WDR33: variants seen among roughly 807,000 people sequenced by gnomAD.
WDR33 encodes the protein pre-mRNA 3' end processing protein WDR33.
In WDR33, 47 loss-of-function variants were observed where a neutral mutation model predicts 164.9. The ratio of observed to expected loss-of-function variants is 0.29; its 90% CI spans 0.23 to 0.36. The LOEUF is 0.36. Among genes scored for constraint, WDR33 ranks in the 10% least tolerant of loss-of-function variants. The pLI, the probability that WDR33 is intolerant of heterozygous loss-of-function variation, is 1.00. For synonymous variants in WDR33, 505 were observed against 589.0 expected (o/e 0.86, Z 2.06); for missense variants, 1,137 against 1,754.1 (o/e 0.65, Z 6.28).
chr2:127,743,955 G>A (rs1401996082), intron 7 of WDR33, among the ~76,000 whole-genome samples: 1 of 152,140 alleles, frequency 6.6e-6, no homozygotes, highest in African/African-American at 2.4e-5. Flanking sequence ...AACTACCTCT[G>A]GGGAGAGGTA....
intron 7 of WDR33, among the ~76,000 whole-genome samples, chr2:127,753,715 A>G (rs1687437725): frequency 6.6e-6 from 1 of 152,198 alleles, no homozygotes; most frequent in African/African-American, 2.4e-5. Context: ...ATAAAACAGC[A>G]TTTTTAAAAG....
At chr2:127,746,542 A>G (rs1687172263) in intron 7 of WDR33, among the ~76,000 whole-genome samples, 1 of 152,218 alleles carries the variant, frequency 6.6e-6, no homozygotes, top group African/African-American at 2.4e-5. Context: ...GGTCCTCACA[A>G]CAGCCCTGTG....
At chr2:127,793,561 T>G (rs565254406) in intron 1 of WDR33, among the ~76,000 whole-genome samples, 50 of 151,952 alleles carry the variant, frequency 3.3e-4, no homozygotes, top group Admixed American at 5.9e-4. Context: ...AGCAACATAC[T>G]GAGATCCCAT....
rs1424028127 is a variant in WDR33, at chr2:127,704,137, A to C, written c.*2186T>G. ...ACCTTGTCTCAAAAATTTTTTCTCA[A>C]ATCAAACATCATTGAAAATCTACTT... On this transcript the variant is annotated 3_prime_UTR_variant, in exon 22 of 22. Coordinates refer to ENST00000322313, the MANE Select transcript of WDR33 (RefSeq NM_018383.5). 2 of 166,542 alleles carry C rather than the reference A, an allele frequency of 1.2e-5. No individual in the cohort carries two copies. Among genetic ancestry groups the C allele is most frequent in the African/African-American group, 2.4e-5 (1 of 41,242 alleles). The allele number at this position is 166,542 out of a possible 1,614,324, so 10.3% of individuals were successfully genotyped here.
intron 7 of WDR33, among the ~76,000 whole-genome samples, chr2:127,740,467 C>A (rs1398840383): frequency 6.6e-6 from 1 of 152,112 alleles, no homozygotes; most frequent in Non-Finnish European, 1.5e-5. Context: ...TGGGCTTGAG[C>A]CCGGGAGGTC....
At chr2:127,737,948 G>A (rs1573901656) in intron 7 of WDR33, 3 of 1,598,222 alleles carry the variant, frequency 1.9e-6, no homozygotes, top group Admixed American at 1.8e-5. Context: ...ATCTTCTTGG[G>A]TATATTCACA....
At chr2:127,805,076 T>TC (rs1689386164) in intron 1 of WDR33, among the ~76,000 whole-genome samples, 2 of 116,616 alleles carry the variant, frequency 1.7e-5, no homozygotes, top group Admixed American at 1.7e-4. Context: ...TTCTTTTTTT[T>TC]TTTTTTTTTT....
At chr2:127,728,748 C>T (rs1686629323) in intron 7 of WDR33, among the ~76,000 whole-genome samples, 1 of 152,080 alleles carries the variant, frequency 6.6e-6, no homozygotes, top group East Asian at 1.9e-4. Flanking sequence ...GCTATGTATG[C>T]ATTAATCAAT....
chr2:127,800,950 GA>G (rs1161560588), intron 1 of WDR33, among the ~76,000 whole-genome samples: 1 of 151,906 alleles, frequency 6.6e-6, no homozygotes, highest in Admixed American at 6.6e-5. Context: ...TGTAGTGATG[GA>G]ATATTACTAT....
chr2:127,742,348 A>C (rs1687040831), intron 7 of WDR33, among the ~76,000 whole-genome samples: 2 of 151,848 alleles, frequency 1.3e-5, no homozygotes, highest in East Asian at 1.9e-4. Flanking sequence ...GGCAACAAAA[A>C]ATTAAAACTA....
At chr2:127,784,300 A>T (rs1462331368) in intron 1 of WDR33, among the ~76,000 whole-genome samples, 1 of 152,242 alleles carries the variant, frequency 6.6e-6, no homozygotes, top group Non-Finnish European at 1.5e-5. Flanking sequence ...AGACAACTGT[A>T]GATATTCTAT....
chr2:127,765,033 C>T (rs1687782893), intron 5 of WDR33, 54 bp from the exon 6 acceptor site: 4 of 1,594,118 alleles, frequency 2.5e-6, no homozygotes, highest in Admixed American at 3.4e-5. Context: ...GAATATATGA[C>T]TAAAGGCTTA....
At chr2:127,787,448 C>T (rs1688624092) in intron 1 of WDR33, among the ~76,000 whole-genome samples, 1 of 136,534 alleles carries the variant, frequency 7.3e-6, no homozygotes, top group South Asian at 2.5e-4. Flanking sequence ...GCAGAGGCGC[C>T]CCTCACCTCC....
intron 7 of WDR33, among the ~76,000 whole-genome samples, chr2:127,734,508 C>A (rs1686791354): frequency 6.6e-6 from 1 of 152,192 alleles, no homozygotes; most frequent in Non-Finnish European, 1.5e-5. Flanking sequence ...TTAAAATGTA[C>A]AGCAAACAGG....
Position 127,781,052 on chromosome 2 carries a change from C to T in WDR33, c.-23-10048G>A, listed in dbSNP as rs541930804. Among the ~76,000 whole-genome samples the T allele has an allele frequency of 7.1e-4, 108 of 152,058 alleles. 1 individual carries two copies. Among genetic ancestry groups the T allele is most frequent in the Admixed American group, 1.6e-3 (24 of 15,240 alleles). ...ATTTTTTTCGTATCTCTAATAGAGA[C>T]GGGATTTCACCATGTTGGCCAGGCT... On this transcript the variant is annotated intron_variant, in intron 1 of 21. Coordinates refer to ENST00000322313, the MANE Select transcript of WDR33 (RefSeq NM_018383.5).
chr2:127,799,154 T>C (rs966712526), intron 1 of WDR33, among the ~76,000 whole-genome samples: 15 of 152,112 alleles, frequency 9.9e-5, no homozygotes, highest in African/African-American at 3.6e-4. Context: ...CTGCATTAAA[T>C]ACAGAGAATA....
chr2:127,742,630 C>G (rs945923211), intron 7 of WDR33, among the ~76,000 whole-genome samples: 1 of 150,242 alleles, frequency 6.7e-6, no homozygotes, highest in Non-Finnish European at 1.5e-5. Context: ...AGAAATCTCC[C>G]AATACTTAGA....
At chr2:127,794,192 T>TAAGC (rs57485325) in intron 1 of WDR33, among the ~76,000 whole-genome samples, 1 of 151,470 alleles carries the variant, frequency 6.6e-6, no homozygotes, top group Non-Finnish European at 1.5e-5. Context: ...AGAAAGAAAG[T>TAAGC]AAGCAAGCAA....
chr2:127,751,487 G>C (rs1687361496), intron 7 of WDR33, among the ~76,000 whole-genome samples: 2 of 149,106 alleles, frequency 1.3e-5, no homozygotes, highest in Non-Finnish European at 3.0e-5. Flanking sequence ...GGAGTTTGAG[G>C]TTATGGTGAG....
Sources: allele counts gnomAD v4.1 joint callset (sites outside exome capture counted in the v4.1 genomes callset), GRCh38; gene constraint gnomAD v4.1.1; transcripts MANE v1.5; gene names NCBI Gene and HGNC (gene_info 2026-07-23, HGNC 2026-07-21).